NLRC5: variants seen among roughly 807,000 people sequenced by gnomAD.
The protein encoded by NLRC5 is protein NLRC5.
NLRC5 carries 114 observed loss-of-function variants against 206.9 expected under a neutral mutation model. The observed-to-expected ratio is 0.55, with a 90% CI of 0.47 to 0.64. The LOEUF (loss-of-function observed/expected upper bound fraction) is 0.64, where lower values mean the gene tolerates loss of function less well. Ranked by LOEUF, NLRC5 falls within the 30% of genes least tolerant of loss-of-function variation. The probability of loss-of-function intolerance (pLI) is 0.00; values close to 1 mark genes in which losing one functional copy is unlikely to be tolerated. For missense variants in NLRC5, 2,008 were observed against 2,305.5 expected (o/e 0.87, Z 2.64); for synonymous variants, 952 against 962.8 (o/e 0.99, Z 0.21).
chr16:56,993,527 T>C (rs977235822), intron 1 of NLRC5, among the ~76,000 whole-genome samples: 1 of 152,216 alleles, frequency 6.6e-6, no homozygotes, highest in Non-Finnish European at 1.5e-5. Flanking sequence ...CAGTTTGAAC[T>C]TGGATAAATA....
At chr16:57,029,929 C>T in intron 9 of NLRC5, 66 bp from the exon 10 acceptor site, 3 of 1,607,912 alleles carry the variant, frequency 1.9e-6, no homozygotes, top group East Asian at 2.2e-5. Context: ...CCTTGCAAGG[C>T]AAGGAAGGTC....
At chr16:57,023,518 G>C (rs1216108376) in intron 4 of NLRC5, among the ~76,000 whole-genome samples, 2 of 152,176 alleles carry the variant, frequency 1.3e-5, no homozygotes, top group African/African-American at 4.8e-5. Flanking sequence ...GCTGCTGGCT[G>C]TTGGCCCTGC....
intron 28 of NLRC5, 64 bp downstream of exon 28, chr16:57,058,212 G>A: frequency 7.3e-7 from 1 of 1,370,852 alleles, no homozygotes; most frequent in South Asian, 1.2e-5. Context: ...CCAAAAGCAT[G>A]ATGGGGGCTC....
At chr16:57,029,440 C>A (rs1170449467) in intron 8 of NLRC5, among the ~76,000 whole-genome samples, 1 of 152,166 alleles carries the variant, frequency 6.6e-6, no homozygotes, top group Non-Finnish European at 1.5e-5. Flanking sequence ...CCTGGGGGGC[C>A]TATCCCAGGC....
intron 3 of NLRC5, among the ~76,000 whole-genome samples, chr16:57,021,740 C>T (rs923644391): frequency 1.3e-5 from 2 of 152,144 alleles, no homozygotes; most frequent in Non-Finnish European, 2.9e-5. Context: ...GCCTTCTGCC[C>T]TCTACTGATC....
At chr16:57,068,516 C>T (rs1005419962) in intron 36 of NLRC5, among the ~76,000 whole-genome samples, 5 of 151,998 alleles carry the variant, frequency 3.3e-5, no homozygotes, top group Non-Finnish European at 5.9e-5. Flanking sequence ...TCTTTCCCAC[C>T]TCCCTTTTCT....
Position 57,025,546 on chromosome 16 carries a change from G to A in NLRC5, c.603G>A (p.Val201=). 6.2e-7 allele frequency: 1 copy of A among 1,613,762 alleles called. No individual in the cohort carries two copies. ...PEGAIMGDVK[V]EDGADVSISD... ...GGGCCATTATGGGGGACGTCAAGGTGGAAGATGGTGCTGACGTGAGCATCT... is the reference window on the plus strand; with the variant it reads ...GGGCCATTATGGGGGACGTCAAGGTAGAAGATGGTGCTGACGTGAGCATCT... Residue 201 remains valine (V), a synonymous_variant, in exon 6 of 49, where the codon GTG becomes GTA. Transcript: ENST00000688547.
intron 11 of NLRC5, 32 bp downstream of exon 11, chr16:57,031,495 C>T (rs371445329): frequency 6.2e-6 from 10 of 1,611,234 alleles, no homozygotes; most frequent in South Asian, 2.2e-5. Flanking sequence ...GGCCTGGGGC[C>T]ATCCTTAGAA....
At chr16:57,006,719 C>G (rs2058953617) in intron 1 of NLRC5, among the ~76,000 whole-genome samples, 1 of 151,908 alleles carries the variant, frequency 6.6e-6, no homozygotes, top group Non-Finnish European at 1.5e-5. Context: ...ATGAAGATAT[C>G]TGTAGGCTAA....
At chr16:57,031,383 G>T (rs1193842306) in intron 10 of NLRC5, 21 bp from the exon 11 acceptor site, 1 of 1,613,770 alleles carries the variant, frequency 6.2e-7, no homozygotes, top group African/African-American at 1.3e-5. Flanking sequence ...GGGTTTCATG[G>T]CTTGGTATCT....
At position 57,025,915 on chromosome 16, in the gene NLRC5, C is replaced by T; in HGVS notation, c.972C>T (p.Val324=). 2 of 1,614,190 alleles carry T rather than the reference C, an allele frequency of 1.2e-6. No individual in the cohort carries two copies. The highest frequency in any genetic ancestry group is 1.1e-5 in the South Asian group (1 of 91,086). ...TGGGTCCTGATGGCCCAGGCCCAGT[C>T]CTCACCCTTTTCTCCCATCTCTGCA... ...QPMGPDGPGP[V]LTLFSHLCNG... The change falls in exon 6 of 49, where the codon GTC becomes GTT. Residue 324 remains valine (V), a synonymous_variant. Transcript: ENST00000688547.
chr16:57,072,948 G>A (rs1391267242), intron 38 of NLRC5, among the ~76,000 whole-genome samples: 3 of 152,038 alleles, frequency 2.0e-5, no homozygotes, highest in Non-Finnish European at 4.4e-5. Flanking sequence ...AGGAGAAGAG[G>A]GATTACAGAG....
intron 1 of NLRC5, among the ~76,000 whole-genome samples, chr16:57,016,790 T>C (rs1262342572): frequency 6.6e-6 from 1 of 152,128 alleles, no homozygotes; most frequent in African/African-American, 2.4e-5. Flanking sequence ...CCAAAGGACA[T>C]TGTAAGGTGC....
At chr16:57,070,693 G>C (rs1002914954) in intron 38 of NLRC5, 75 bp downstream of exon 38, 6 of 1,315,734 alleles carry the variant, frequency 4.6e-6, no homozygotes, top group Middle Eastern at 2.1e-4. Flanking sequence ...GTGAGTGGTG[G>C]GGTTGGTTAA....
chr16:57,082,361 T>C (rs2069257042), intron 48 of NLRC5, 56 bp from the exon 49 acceptor site: 1 of 1,394,548 alleles, frequency 7.2e-7, no homozygotes, highest in African/African-American at 1.4e-5. Context: ...AATCTGCAGA[T>C]ACGACAGATG....
At chr16:57,055,179 A>G (rs948449095) in intron 26 of NLRC5, 85 bp downstream of exon 26, 4 of 1,395,098 alleles carry the variant, frequency 2.9e-6, no homozygotes, top group African/African-American at 2.8e-5. Context: ...AGCAGTATGC[A>G]GACTGCCTAC....
chr16:57,036,206 G>C (rs1161139600), intron 14 of NLRC5, 23 bp downstream of exon 14: 1 of 1,609,054 alleles, frequency 6.2e-7, no homozygotes, highest in East Asian at 2.2e-5. Context: ...CCCCACCGCT[G>C]GGTACCAGGG....
intron 1 of NLRC5, among the ~76,000 whole-genome samples, chr16:56,996,750 A>G (rs2057665485): frequency 6.6e-6 from 1 of 152,258 alleles, no homozygotes; most frequent in African/African-American, 2.4e-5. Flanking sequence ...GTTCGTAAAC[A>G]GGAAAAATAA....
Position 57,025,878 on chromosome 16 carries a change from C to A in NLRC5, c.935C>A (p.Ala312Asp). ...VLLIFDGLDE[A>D]LQPMGPDGPG... ...CTGATCTTTGATGGGCTAGATGAGG[C>A]CCTCCAGCCTATGGGTCCTGATGGC... Residue 312 changes from alanine to aspartate, a missense_variant, in exon 6 of 49, where the codon GCC becomes GAC. Transcript: ENST00000688547. The A allele has an allele frequency of 1.2e-6, 2 of 1,614,226 alleles. No homozygotes were observed. Among genetic ancestry groups the A allele is most frequent in the Non-Finnish European group, 1.7e-6 (2 of 1,180,038 alleles).
Sources: allele counts gnomAD v4.1 joint callset (sites outside exome capture counted in the v4.1 genomes callset), GRCh38; gene constraint gnomAD v4.1.1; transcripts MANE v1.5; gene names NCBI Gene and HGNC (gene_info 2026-07-23, HGNC 2026-07-21).